Variants in ZNF367 observed in about 807,000 individuals in gnomAD.
ZNF367 encodes zinc finger protein 367, also known as C2H2 zinc finger protein ZFF29.
A neutral mutation model predicts 31.8 loss-of-function variants in ZNF367; 11 were observed. The ratio of observed to expected loss-of-function variants is 0.35; its 90% CI spans 0.22 to 0.57. The LOEUF (loss-of-function observed/expected upper bound fraction) is 0.57. Among genes scored for constraint, ZNF367 ranks in the 20% least tolerant of loss-of-function variants. The pLI is 0.85. For missense variants in ZNF367, 353 were observed against 484.1 expected, an observed-to-expected ratio of 0.73 and a Z score of 2.54; for synonymous variants, 199 against 202.4, an observed-to-expected ratio of 0.98 and a Z score of 0.14.
At chr9:96,416,943 G>A (rs1213523572) in intron 1 of ZNF367, among the ~76,000 whole-genome samples, 5 of 152,158 alleles carry the variant, frequency 3.3e-5, no homozygotes, top group African/African-American at 4.8e-5. Flanking sequence ...TGGGAAGGTC[G>A]CCTCACTAAT....
intron 1 of ZNF367, among the ~76,000 whole-genome samples, chr9:96,403,904 G>C (rs1414148543): frequency 6.6e-6 from 1 of 152,122 alleles, no homozygotes; most frequent in African/African-American, 2.4e-5. Context: ...GAAAACTATA[G>C]AGCTCTTAGC....
rs1831483934 is a variant in ZNF367, at chr9:96,392,482, G to A, written c.746C>T (p.Ala249Val). 1 of 1,613,468 alleles carries A rather than the reference G, an allele frequency of 6.2e-7. No homozygotes were observed. Among genetic ancestry groups the A allele is most frequent in the Non-Finnish European group, 8.5e-7 (1 of 1,179,418 alleles). ...CGTGGGCTCCTCTCTCTTCAGCCTG[G>A]CGTAGGGGTGCTTCGGACAGTGGCG... ...ANRHCPKHPY[A>V]RLKREEPTDT... Residue 249 changes from alanine (A) to valine (V), a missense_variant, in exon 4 of 5, where the codon GCC becomes GTC. This residue lies in a region of ZNF367 where 101 missense variants were observed against 140.0 expected (regional missense o/e 0.72). Transcript: ENST00000375256.
intron 1 of ZNF367, chr9:96,407,538 A>T (rs1831686474): frequency 1.6e-6 from 2 of 1,285,172 alleles, no homozygotes; most frequent in Non-Finnish European, 2.3e-6. Flanking sequence ...CTCCACAGGG[A>T]GCAGTACCTG....
chr9:96,410,749 G>A (rs1168196403), intron 1 of ZNF367, among the ~76,000 whole-genome samples: 3 of 151,274 alleles, frequency 2.0e-5, no homozygotes, highest in East Asian at 3.9e-4. Flanking sequence ...GTGGTGGCAC[G>A]CGCCTATAGT....
chr9:96,401,223 T>C (rs764414425), intron 1 of ZNF367, among the ~76,000 whole-genome samples: 5 of 151,850 alleles, frequency 3.3e-5, no homozygotes, highest in Non-Finnish European at 5.9e-5. Context: ...AGACCAGGCC[T>C]CAAAAGGAAA....
intron 1 of ZNF367, among the ~76,000 whole-genome samples, chr9:96,405,247 G>A (rs776595415): frequency 3.9e-4 from 57 of 147,028 alleles, no homozygotes; most frequent in Non-Finnish European, 4.7e-4. Flanking sequence ...GCTTGAACCC[G>A]GAGGTTGCAG....
chr9:96,408,504 T>C (rs2131080382), intron 1 of ZNF367, among the ~76,000 whole-genome samples: 1 of 152,274 alleles, frequency 6.6e-6, no homozygotes, highest in South Asian at 2.1e-4. Flanking sequence ...GAAATTATGC[T>C]AAGTAAAACA....
At chr9:96,391,803 C>A (rs1333401888) in intron 4 of ZNF367, among the ~76,000 whole-genome samples, 1 of 152,144 alleles carries the variant, frequency 6.6e-6, no homozygotes, top group Non-Finnish European at 1.5e-5. Flanking sequence ...CAGGGTCTCA[C>A]TCTGTCACCC....
intron 1 of ZNF367, among the ~76,000 whole-genome samples, chr9:96,413,774 T>C (rs1831782415): frequency 6.6e-6 from 1 of 152,070 alleles, no homozygotes. Flanking sequence ...AGGGAGGCAG[T>C]GTTGGGCAGG....
In ZNF367 at chr9:96,417,439, C is replaced by CA. The variant is rs1381493841; in HGVS notation, c.420+173_420+174insT. On this transcript the variant is annotated intron_variant, in intron 1 of 4. Coordinates refer to ENST00000375256, the MANE Select transcript of ZNF367 (RefSeq NM_153695.4). The surrounding 1 kb of genome is among the most constrained non-coding windows in gnomAD (Gnocchi z 5.0). ...CGCTCCCGCCTGTCACGTGACAGGCCCCCCCCGACTGGGGCCGGTTTTTGG... is the reference window on the plus strand; with the variant it reads ...CGCTCCCGCCTGTCACGTGACAGGCCACCCCCCGACTGGGGCCGGTTTTTGG... Among the ~76,000 whole-genome samples, 2 of 130,338 alleles carry CA rather than the reference C, an allele frequency of 1.5e-5. No homozygotes were observed. The highest frequency in any genetic ancestry group is 2.0e-4 in the East Asian group (1 of 5,030). 85.5% of individuals were successfully genotyped at this position (130,338 alleles called of 152,430 possible).
intron 1 of ZNF367, among the ~76,000 whole-genome samples, chr9:96,408,238 A>T (rs952067420): frequency 6.6e-6 from 1 of 152,266 alleles, no homozygotes; most frequent in East Asian, 1.9e-4. Flanking sequence ...AATATTTTTT[A>T]AAAAACAATG....
At chr9:96,401,410 C>A (rs1218439055) in intron 1 of ZNF367, among the ~76,000 whole-genome samples, 1 of 152,072 alleles carries the variant, frequency 6.6e-6, no homozygotes, top group Non-Finnish European at 1.5e-5. Context: ...CCTGTAATCC[C>A]AGCACTTTGG....
intron 1 of ZNF367, among the ~76,000 whole-genome samples, chr9:96,411,253 C>T (rs554641932): frequency 2.6e-5 from 4 of 152,032 alleles, no homozygotes; most frequent in African/African-American, 9.7e-5. Context: ...AGTATTTTTA[C>T]ATATGTAAGA....
Position 96,417,721 on chromosome 9 carries a change from C to T in ZNF367, c.312G>A (p.Ser104=). The change falls in exon 1 of 5, where the codon TCG becomes TCA. Residue 104 remains serine, a synonymous_variant. Transcript: ENST00000375256. The surrounding 1 kb of genome is among the most constrained non-coding windows in gnomAD (Gnocchi z 5.0). Reference sequence around the variant, plus strand: ...GGGGCGCGCCCCGGCCACGAAGCCCCGAGTGCTCGGCGGCTGCGGCTGCAG... The same window carrying T: ...GGGGCGCGCCCCGGCCACGAAGCCCTGAGTGCTCGGCGGCTGCGGCTGCAG... ...ALPAAAAAEH[S]GLRGRGAPPP... is the part of the protein sequence containing the mutation. 8.2e-7 allele frequency: 1 copy of T among 1,220,180 alleles called. No individual in the cohort carries two copies. 75.6% of individuals were successfully genotyped at this position (1,220,180 alleles called of 1,614,324 possible).
Position 96,417,674 on chromosome 9 carries a change from G to A in ZNF367, c.359C>T (p.Ala120Val). The change falls in exon 1 of 5, where the codon GCC (alanine) becomes GTC (valine). Residue 120 changes from alanine (A) to valine (V), a missense_variant. Physicochemically the swap from Ala to Val is moderately conservative, Grantham distance 64 (BLOSUM62 0). Transcript: ENST00000375256. This position sits in a 1 kb window ranked among gnomAD's most constrained non-coding sequence, Gnocchi z 5.0. ...GAPPPAASAS[A>V]AASGGEDEEE... ...CTCGTCCTCACCTCCCGAGGCGGCG[G>A]CGGAGGCCGAGGCGGCGGGCGGGGG... 1.9e-6 allele frequency: 2 copies of A among 1,079,440 alleles called. No individual in the cohort carries two copies. The highest frequency in any genetic ancestry group is 9.2e-5 in the South Asian group (2 of 21,660). The allele number at this position is 1,079,440 out of a possible 1,614,324, so 66.9% of individuals were successfully genotyped here. A position where few individuals can be genotyped will look rare whatever the true frequency, so the allele number is the denominator to read the frequency against.
intron 3 of ZNF367, 49 bp downstream of exon 3, chr9:96,394,774 T>C: frequency 6.5e-7 from 1 of 1,537,394 alleles, no homozygotes; most frequent in Non-Finnish European, 8.8e-7. Flanking sequence ...ATATTTTAAC[T>C]GTTAAGTCAC....
In ZNF367 at chr9:96,392,466, C is replaced by A; in HGVS notation, c.762G>T (p.Glu254Asp). ...GTTTGCTGAGTGTGTCCGTGGGCTCCTCTCTCTTCAGCCTGGCGTAGGGGT... is the reference window on the plus strand; with the variant it reads ...GTTTGCTGAGTGTGTCCGTGGGCTCATCTCTCTTCAGCCTGGCGTAGGGGT... ...PKHPYARLKREEPTDTLSKHQ... is the reference protein window; with the variant it reads ...PKHPYARLKRDEPTDTLSKHQ... Residue 254 changes from glutamate to aspartate, a missense_variant, in exon 4 of 5, where the codon GAG (glutamate) becomes GAT (aspartate). By Grantham distance (45) the Glu-to-Asp change is conservative (BLOSUM62 2). Around this residue, in one of 5 missense-constraint regions of ZNF367, gnomAD observed 101 missense variants for 140.0 expected, o/e 0.72. Coordinates refer to ENST00000375256, the MANE Select transcript of ZNF367 (RefSeq NM_153695.4). 1.2e-6 allele frequency: 2 copies of A among 1,614,078 alleles called. No homozygotes were observed. Among genetic ancestry groups the A allele is most frequent in the Non-Finnish European group, 1.7e-6 (2 of 1,179,964 alleles).
chr9:96,405,550 G>T (rs371151335), intron 1 of ZNF367, among the ~76,000 whole-genome samples: 2 of 151,944 alleles, frequency 1.3e-5, no homozygotes, highest in East Asian at 1.9e-4. Context: ...TGATAGTTTT[G>T]TATCGATATC....
At chr9:96,393,088 G>T (rs1207944238) in intron 3 of ZNF367, among the ~76,000 whole-genome samples, 3 of 152,078 alleles carry the variant, frequency 2.0e-5, no homozygotes, top group African/African-American at 7.2e-5. Flanking sequence ...CATCGCAGGG[G>T]TCGGGTGGAG....
Sources: gnomAD v4.1 joint callset for allele counts (sites outside exome capture counted in the v4.1 genomes callset) on GRCh38, gnomAD v4.1.1 for gene constraint, gnomAD v4.1.1 regional missense constraint, Gnocchi (gnomAD v3.1) non-coding constraint, MANE v1.5 for transcripts, NCBI Gene and HGNC (gene_info 2026-07-23, HGNC 2026-07-21) for gene names.